Variants in CDT1 observed in about 807,000 individuals in gnomAD.
CDT1 encodes the protein chromatin licensing and DNA replication factor 1, also known as DNA replication factor Cdt1.
A neutral mutation model predicts 49.3 loss-of-function variants in CDT1; 66 were observed. That is an observed-to-expected ratio of 1.34 (90% CI 1.10 to 1.64). The LOEUF (loss-of-function observed/expected upper bound fraction) is 1.64. Among genes scored for constraint, CDT1 ranks in the 40% most tolerant of loss-of-function variants. The pLI is 0.00. For synonymous variants in CDT1, 424 were observed against 347.4 expected, an observed-to-expected ratio of 1.22 and a Z score of -2.45; for missense variants, 958 against 807.7, an observed-to-expected ratio of 1.19 and a Z score of -2.26.
chr16:88,808,083 A>T, intron 9 of CDT1, 32 bp from the exon 10 acceptor site: 13 of 1,607,878 alleles, frequency 8.1e-6, no homozygotes, highest in Non-Finnish European at 1.1e-5. Context: ...GGGGCCCAGC[A>T]CCAGCCTCAG....
At position 88,806,587 on chromosome 16, in the gene CDT1, G is replaced by A. The variant is rs369682126; in HGVS notation, c.1035G>A (p.Pro345=). 23 of 1,608,138 alleles carry A rather than the reference G, an allele frequency of 1.4e-5. No individual in the cohort carries two copies. Among genetic ancestry groups the A allele is most frequent in the East Asian group, 2.2e-5 (1 of 44,688 alleles). ...FNVDEVPDIE[P]AALPQPPATE... ...TGGATGAAGTACCCGACATCGAGCCGGCCGCGCTGCCCCAGCCACCCGCCA... is the reference window on the plus strand; with the variant it reads ...TGGATGAAGTACCCGACATCGAGCCAGCCGCGCTGCCCCAGCCACCCGCCA... The change falls in exon 7 of 10, where the codon CCG becomes CCA. Residue 345 remains proline (P), a synonymous_variant. Coordinates refer to ENST00000301019, the MANE Select transcript of CDT1 (RefSeq NM_030928.4).
Position 88,805,772 on chromosome 16 carries a change from C to T in CDT1, c.735C>T (p.Ala245=), listed in dbSNP as rs1269362926. ...NVGQIKTVYP[A]SYRFRQERSV... ...GCCAGATCAAAACCGTGTACCCGGC[C>T]TCCTACCGCTTCCGCCAGGAGCGCA... The change falls in exon 5 of 10, where the codon GCC becomes GCT. Residue 245 remains alanine (A), a synonymous_variant. Coordinates refer to ENST00000301019, the MANE Select transcript of CDT1 (RefSeq NM_030928.4). 18 of 1,613,056 alleles carry T rather than the reference C, an allele frequency of 1.1e-5. No homozygotes were observed. Among genetic ancestry groups the T allele is most frequent in the East Asian group, 2.2e-5 (1 of 44,894 alleles).
At chr16:88,804,505 G>A (rs1283381375) in intron 1 of CDT1, 40 bp from the exon 2 acceptor site, 3 of 1,602,518 alleles carry the variant, frequency 1.9e-6, no homozygotes, top group South Asian at 1.1e-5. Flanking sequence ...AGGAGCACCA[G>A]GTCTTGTCAT....
At chr16:88,805,400 G>A (rs754353797) in intron 3 of CDT1, 40 bp from the exon 4 acceptor site, 3 of 1,609,532 alleles carry the variant, frequency 1.9e-6, no homozygotes, top group Admixed American at 3.3e-5. Flanking sequence ...GGAGGGGTAG[G>A]GGCCTACTGC....
In CDT1 at chr16:88,807,348, T is replaced by C. The variant is rs779333410; in HGVS notation, c.1343T>C (p.Leu448Pro). The stretch of plus-strand genomic sequence containing the variant: ...CGGTGCCCGGAGCAGGAGCAGCGGC[T>C]GCAGCGCTTAGAACGGCTGCCTGAG... Reference protein sequence around the residue: ...MTRCPEQEQRLQRLERLPELA... With the variant: ...MTRCPEQEQRPQRLERLPELA... Residue 448 changes from leucine (L) to proline (P), a missense_variant, in exon 9 of 10, where the codon CTG (leucine) becomes CCG (proline). Physicochemically the swap from Leu to Pro is moderately conservative, Grantham distance 98. Transcript: ENST00000301019. 1.9e-6 allele frequency: 3 copies of C among 1,612,662 alleles called. No homozygotes were observed. In the South Asian group the frequency reaches 3.3e-5, roughly 18 times the overall value.
chr16:88,805,283 T>C (rs1453840870), intron 3 of CDT1, among the ~76,000 whole-genome samples, 157 bp from the exon 4 acceptor site: 1 of 152,230 alleles, frequency 6.6e-6, no homozygotes, highest in Non-Finnish European at 1.5e-5. Context: ...CTGCTACCCC[T>C]AACGGTGCCA....
At chr16:88,804,369 G>T (rs940177338) in intron 1 of CDT1, among the ~76,000 whole-genome samples, 176 bp from the exon 2 acceptor site, 1 of 152,092 alleles carries the variant, frequency 6.6e-6, no homozygotes, top group African/African-American at 2.4e-5. Flanking sequence ...CCCGGAAGAC[G>T]AGAGCAAGGC....
rs1908934779 is a variant in CDT1, at chr16:88,808,061, C to T, written c.1478-54C>T. 3.1e-6 allele frequency: 5 copies of T among 1,588,760 alleles called. No homozygotes were observed. The Admixed American group carries it at 8.8e-5, about 28-fold the overall frequency. On this transcript the variant is annotated intron_variant, in intron 9 of 9. Coordinates refer to ENST00000301019, the MANE Select transcript of CDT1 (RefSeq NM_030928.4). ...TGGTCAGGCTGGTTTCAAGTGCTGC[C>T]CGTGCAGGGCTGGGGCCCAGCACCA...
rs749182110 is a variant in CDT1 at position 88,803,816 on chromosome 16, C to T, written c.-16C>T. ...CCCTTCCTTCTTTCCTTGCTTTCGC[C>T]GCGCACTCCGCCGCCATGGAGCAGC... On this transcript the variant is annotated 5_prime_UTR_variant, in exon 1 of 10. Transcript: ENST00000301019. 4 of 1,509,878 alleles carry T rather than the reference C, an allele frequency of 2.6e-6. No individual in the cohort carries two copies. Among genetic ancestry groups the T allele is most frequent in the East Asian group, 2.8e-5 (1 of 36,020 alleles). 93.5% of individuals were successfully genotyped at this position (1,509,878 alleles called of 1,614,324 possible).
Position 88,807,133 on chromosome 16 carries a change from C to T in CDT1, c.1205C>T (p.Thr402Ile). ...PGSPRPALPA[T>I]PPATPPAASP... ...TCTCCCAGGCCAGCACTGCCGGCTA[C>T]CCCACCAGCCACCCCGCCTGCAGCC... The change falls in exon 8 of 10, where the codon ACC becomes ATC. Residue 402 changes from threonine (T) to isoleucine (I), a missense_variant. Thr to Ile is a moderately conservative substitution (Grantham distance 89). Transcript: ENST00000301019. 3 of 1,612,516 alleles carry T rather than the reference C, an allele frequency of 1.9e-6. No individual in the cohort carries two copies. The highest frequency in any genetic ancestry group is 2.5e-6 in the Non-Finnish European group (3 of 1,179,870).
Position 88,804,413 on chromosome 16 carries a change from C to T in CDT1, c.229-132C>T. 2.6e-6 allele frequency: 3 copies of T among 1,175,242 alleles called. No homozygotes were observed. The South Asian group carries it at 4.4e-5, about 17-fold the overall frequency. The allele number at this position is 1,175,242 out of a possible 1,614,324, so 72.8% of individuals were successfully genotyped here. A position where few individuals can be genotyped will look rare whatever the true frequency, so the allele number is the denominator to read the frequency against. On this transcript the variant is annotated intron_variant, in intron 1 of 9. Transcript: ENST00000301019. ...CGGCCTTAGCACAGACCACCATCTA[C>T]GGGAAGTCCTAAGCCCCCCAGCCAT...
chr16:88,808,410 T>G lies in CDT1; in HGVS notation c.*132T>G, dbSNP rs1270046354. On this transcript the variant is annotated 3_prime_UTR_variant, in exon 10 of 10. Coordinates refer to ENST00000301019, the MANE Select transcript of CDT1 (RefSeq NM_030928.4). ...CGCCCCTGAGGGCCAGAGGCAGATG[T>G]GGGCTGCAGGCTGCACAGCCCGAGG... The G allele has an allele frequency of 6.4e-6, 7 of 1,099,336 alleles. No homozygotes were observed. The highest frequency in any genetic ancestry group is 9.0e-6 in the Non-Finnish European group (7 of 775,804). 68.1% of individuals were successfully genotyped at this position (1,099,336 alleles called of 1,614,324 possible). A position where few individuals can be genotyped will look rare whatever the true frequency, so the allele number is the denominator to read the frequency against.
rs1310659719 is a variant in CDT1 at position 88,808,272 on chromosome 16, G to A, written c.1635G>A (p.Gly545=). 1.3e-6 allele frequency: 2 copies of A among 1,587,774 alleles called. No individual in the cohort carries two copies. Among genetic ancestry groups the A allele is most frequent in the South Asian group, 2.3e-5 (2 of 87,978 alleles). Residue 545 remains glycine (G), a synonymous_variant, in exon 10 of 10, where the codon GGG becomes GGA. Coordinates refer to ENST00000301019, the MANE Select transcript of CDT1 (RefSeq NM_030928.4). Reference sequence around the variant, plus strand: ...CCCACCAGACACGTGCTGAGGAGGGGCTGTGAGCCTGGGGGCCACTGTGGA... The same window carrying A: ...CCCACCAGACACGTGCTGAGGAGGGACTGTGAGCCTGGGGGCCACTGTGGA... ...RLAHQTRAEE[G]L
At position 88,806,485 on chromosome 16, in the gene CDT1, G is replaced by T; in HGVS notation, c.934-1G>T. The T allele has an allele frequency of 6.2e-7, 1 of 1,610,242 alleles. No homozygotes were observed. The highest frequency in any genetic ancestry group is 1.1e-5 in the South Asian group (1 of 90,554). On this transcript the variant is annotated splice_acceptor_variant, in intron 6 of 9. Transcript: ENST00000301019. LOFTEE classifies it high-confidence loss of function. Reference sequence around the variant, plus strand: ...GTCACCCATCTACTCCTTCTCCCCAGGCCTTCCTGGCCTCCCTGAGCCCCG... The same window carrying T: ...GTCACCCATCTACTCCTTCTCCCCATGCCTTCCTGGCCTCCCTGAGCCCCG...
Position 88,804,047 on chromosome 16 carries a change from G to A in CDT1, c.216G>A (p.Leu72=). 2 of 1,451,878 alleles carry A rather than the reference G, an allele frequency of 1.4e-6. No homozygotes were observed. The highest frequency in any genetic ancestry group is 1.3e-5 in the South Asian group (1 of 74,530). The allele number at this position is 1,451,878 out of a possible 1,614,324, so 89.9% of individuals were successfully genotyped here. The change falls in exon 1 of 10, where the codon CTG becomes CTA. Residue 72 remains leucine, a synonymous_variant. Coordinates refer to ENST00000301019, the MANE Select transcript of CDT1 (RefSeq NM_030928.4). ...ARPPARRRLR[L]SVDEVSSPST... ...CACCGGCCCGCAGGAGACTGCGGCT[G>A]TCGGTGGACGAGGTGAGGGGCGTGG...
In CDT1 at chr16:88,808,546, G is replaced by A. The variant is rs1001943980; in HGVS notation, c.*268G>A. The A allele has an allele frequency of 1.9e-6, 1 of 533,226 alleles. No homozygotes were observed. 33.0% of individuals were successfully genotyped at this position (533,226 alleles called of 1,614,324 possible). On this transcript the variant is annotated 3_prime_UTR_variant, in exon 10 of 10. Coordinates refer to ENST00000301019, the MANE Select transcript of CDT1 (RefSeq NM_030928.4). The stretch of plus-strand genomic sequence containing the variant: ...TGCTGCTGGTGGGGAAGGGAAGCCA[G>A]ATCCAGCACCCCCTGGGGGGCCATC...
At chr16:88,805,662 GCTGTC>G (rs1171429412) in intron 4 of CDT1, 25 bp downstream of exon 4, 1 of 1,612,526 alleles carries the variant, frequency 6.2e-7, no homozygotes, top group Non-Finnish European at 8.5e-7. Flanking sequence ...GTGGGCTGTG[GCTGTC>G]CTGGAGTTGG....
intron 9 of CDT1, 90 bp from the exon 10 acceptor site, chr16:88,808,025 C>T: frequency 6.9e-7 from 1 of 1,440,604 alleles, no homozygotes; most frequent in Non-Finnish European, 9.6e-7. Flanking sequence ...CAGGCAGGCA[C>T]AGAGGTTGGG....
chr16:88,804,686 GGCAGAT>G lies in CDT1; in HGVS notation c.351+22_351+27del. The G allele has an allele frequency of 6.2e-7, 1 of 1,612,332 alleles. No individual in the cohort carries two copies. Among genetic ancestry groups the G allele is most frequent in the Non-Finnish European group, 8.5e-7 (1 of 1,179,770 alleles). On this transcript the variant is annotated intron_variant, in intron 2 of 9. Transcript: ENST00000301019. ...GGACCAGGTGAGGGGCGGGGCCTGG[GGCAGAT>G]GCGGGAGGGCTGAGTGGTGCCGGCC...
Sources: allele counts gnomAD v4.1 joint callset (sites outside exome capture counted in the v4.1 genomes callset), GRCh38; gene constraint gnomAD v4.1.1; transcripts MANE v1.5; gene names NCBI Gene and HGNC (gene_info 2026-07-23, HGNC 2026-07-21).